Variants in NXN observed in about 807,000 individuals in gnomAD.
NXN encodes the protein nucleoredoxin 1.
NXN carries 16 observed loss-of-function variants against 48.6 expected under a neutral mutation model. The ratio of observed to expected loss-of-function variants is 0.33; its 90% CI spans 0.22 to 0.50. NXN has a LOEUF of 0.50. NXN is among the 20% of genes least tolerant of loss of function. The pLI is 0.98. For synonymous variants in NXN, 281 were observed against 269.6 expected (o/e 1.04, Z -0.41); for missense variants, 492 against 605.5 (o/e 0.81, Z 1.97).
At chr17:889,983 C>T (rs1406241450) in intron 1 of NXN, among the ~76,000 whole-genome samples, 1 of 152,132 alleles carries the variant, frequency 6.6e-6, no homozygotes, top group Non-Finnish European at 1.5e-5. Context: ...GTACCCCATC[C>T]CTCTCACCAG....
At chr17:824,661 G>C (rs1913002425) in intron 2 of NXN, among the ~76,000 whole-genome samples, 1 of 152,208 alleles carries the variant, frequency 6.6e-6, no homozygotes. Flanking sequence ...GGCTCAGGGA[G>C]CCAAGTGAGA....
intron 1 of NXN, among the ~76,000 whole-genome samples, chr17:927,985 C>T (rs980442774): frequency 2.0e-5 from 3 of 151,858 alleles, no homozygotes; most frequent in South Asian, 2.1e-4. Context: ...CAAAGAGAGG[C>T]GAGGATAAAC....
intron 1 of NXN, among the ~76,000 whole-genome samples, chr17:898,329 G>A (rs2068508666): frequency 6.6e-6 from 1 of 151,968 alleles, no homozygotes; most frequent in Non-Finnish European, 1.5e-5. Context: ...GCTCTCCTGG[G>A]ACACACCCCT....
In NXN at chr17:822,345, G is replaced by T. The variant is rs781532928; in HGVS notation, c.713+12C>A. On this transcript the variant is annotated intron_variant, in intron 4 of 7. Transcript: ENST00000336868. Reference sequence around the variant, plus strand: ...ACAGAAAAGGGGCCCAGCACTTCACGGCACGACTGACCTGTCTGCACTAAC... The same window carrying T: ...ACAGAAAAGGGGCCCAGCACTTCACTGCACGACTGACCTGTCTGCACTAAC... 1.3e-6 allele frequency: 2 copies of T among 1,599,236 alleles called. No homozygotes were observed. The highest frequency in any genetic ancestry group is 1.7e-5 in the Admixed American group (1 of 59,794).
intron 1 of NXN, among the ~76,000 whole-genome samples, chr17:950,387 C>A (rs762772911): frequency 2.0e-5 from 3 of 152,136 alleles, no homozygotes; most frequent in Non-Finnish European, 4.4e-5. Flanking sequence ...GAGAAAGGAT[C>A]CGAAGGCTTG....
intron 1 of NXN, among the ~76,000 whole-genome samples, chr17:948,451 CG>C (rs1220968362): frequency 1.3e-5 from 2 of 152,082 alleles, no homozygotes; most frequent in Non-Finnish European, 2.9e-5. Flanking sequence ...TTTGGCATCA[CG>C]GGATCTGGGT....
intron 1 of NXN, among the ~76,000 whole-genome samples, chr17:838,497 A>G (rs949298079): frequency 6.6e-6 from 1 of 152,220 alleles, no homozygotes; most frequent in African/African-American, 2.4e-5. Context: ...GACAGAGCTG[A>G]ATCAGCTGTG....
At chr17:943,142 G>A (rs909578156) in intron 1 of NXN, among the ~76,000 whole-genome samples, 3 of 152,184 alleles carry the variant, frequency 2.0e-5, no homozygotes, top group African/African-American at 7.2e-5. Context: ...AATAACCGTC[G>A]GTTTCTTAAG....
intron 1 of NXN, among the ~76,000 whole-genome samples, chr17:881,311 G>A (rs184055033): frequency 5.9e-5 from 9 of 152,252 alleles, no homozygotes; most frequent in Admixed American, 2.0e-4. Context: ...GCAGTGGTGC[G>A]ATCTCAGCTC....
chr17:841,610 A>G (rs62067130), intron 1 of NXN, among the ~76,000 whole-genome samples: 4,868 of 9,224 alleles, frequency 0.53, 1,141 homozygotes, highest in African/African-American at 0.59. Context: ...CCCCGACCAC[A>G]GAGCATCTCA....
intron 1 of NXN, among the ~76,000 whole-genome samples, chr17:915,567 A>C (rs201014149): frequency 6.6e-6 from 1 of 152,114 alleles, no homozygotes. Flanking sequence ...TTACAGATAT[A>C]AGACACCACA....
intron 1 of NXN, among the ~76,000 whole-genome samples, chr17:857,138 T>A (rs1174084878): frequency 6.6e-6 from 1 of 152,194 alleles, no homozygotes; most frequent in Non-Finnish European, 1.5e-5. Context: ...TTGTGGTGGG[T>A]GGAAGTCGAA....
Position 888,418 on chromosome 17 carries a change from G to A in NXN, c.361-62340C>T, listed in dbSNP as rs368633125. 1.2e-4 allele frequency among the ~76,000 whole-genome samples: 18 copies of A among 152,092 alleles called. No homozygotes were observed. In the East Asian group the frequency reaches 1.9e-3, roughly 16 times the overall value. The stretch of plus-strand genomic sequence containing the variant: ...AATCATTCTGTAGAGATGGGGTCTC[G>A]CTGTGTTGCCCAGTCTGGCAAAGAA... On this transcript the variant is annotated intron_variant, in intron 1 of 7. Transcript: ENST00000336868.
chr17:848,015 G>C (rs144326557), intron 1 of NXN, among the ~76,000 whole-genome samples: 2 of 152,032 alleles, frequency 1.3e-5, no homozygotes, highest in Admixed American at 6.6e-5. Flanking sequence ...GTTACAAAAC[G>C]GGGCGAGTGA....
chr17:875,544 C>A (rs567088381), intron 1 of NXN, among the ~76,000 whole-genome samples: 2 of 152,010 alleles, frequency 1.3e-5, no homozygotes, highest in Admixed American at 6.6e-5. Context: ...AGCAGAAGAT[C>A]GAATCAGACT....
chr17:927,286 G>GA (rs1394821271), intron 1 of NXN, among the ~76,000 whole-genome samples: 3 of 141,038 alleles, frequency 2.1e-5, no homozygotes, highest in African/African-American at 7.9e-5. Flanking sequence ...CAAAAAAAAA[G>GA]AAAAAAGAAA....
intron 1 of NXN, among the ~76,000 whole-genome samples, chr17:838,594 G>A (rs1169673905): frequency 6.6e-6 from 1 of 152,166 alleles, no homozygotes; most frequent in East Asian, 1.9e-4. Context: ...TTTAGAAGTG[G>A]GAAACGGTGA....
intron 1 of NXN, among the ~76,000 whole-genome samples, chr17:914,369 C>T (rs1468390963): frequency 5.5e-5 from 8 of 145,480 alleles, no homozygotes; most frequent in South Asian, 4.2e-4. Flanking sequence ...AGGGTTTTAC[C>T]GTGTTGGCCA....
At chr17:969,864 A>T (rs1441044993) in intron 1 of NXN, among the ~76,000 whole-genome samples, 1 of 152,196 alleles carries the variant, frequency 6.6e-6, no homozygotes, top group African/African-American at 2.4e-5. Context: ...AGCAGAACTC[A>T]CCACACCCTG....
Sources: gnomAD v4.1 joint callset for allele counts (sites outside exome capture counted in the v4.1 genomes callset) on GRCh38, gnomAD v4.1.1 for gene constraint, MANE v1.5 for transcripts, NCBI Gene and HGNC (gene_info 2026-07-23, HGNC 2026-07-21) for gene names.